NWD2: variants seen among roughly 807,000 people sequenced by gnomAD.
NWD2 encodes the protein NACHT and WD repeat domain-containing protein 2.
NWD2 carries 37 observed loss-of-function variants against 132.7 expected under a neutral mutation model. The ratio of observed to expected loss-of-function variants is 0.28; its 90% CI spans 0.21 to 0.37. NWD2 has a LOEUF of 0.37. Among genes scored for constraint, NWD2 ranks in the 10% least tolerant of loss-of-function variants. The pLI is 1.00. For missense variants in NWD2, 1,592 were observed against 2,122.4 expected, an observed-to-expected ratio of 0.75 and a Z score of 4.91; for synonymous variants, 705 against 803.0, an observed-to-expected ratio of 0.88 and a Z score of 2.06.
chr4:37,405,118 T>C (rs373900797), intron 3 of NWD2, among the ~76,000 whole-genome samples: 2 of 152,172 alleles, frequency 1.3e-5, no homozygotes, highest in African/African-American at 4.8e-5. Context: ...ATGAATATCC[T>C]CAGTGTAAAG....
chr4:37,361,056 A>T (rs967686848), intron 3 of NWD2, among the ~76,000 whole-genome samples: 1 of 152,196 alleles, frequency 6.6e-6, no homozygotes, highest in Admixed American at 6.5e-5. Flanking sequence ...GAACACATCT[A>T]TGCACACAAA....
rs191184871 is a variant in NWD2, at chr4:37,419,656, G to T, written c.358-10916G>T. Reference sequence around the variant, plus strand: ...CCACTTGAAAATATGACAAAATGTTGAGCTGTCAAACTGGGTTGTTTATTC... The same window carrying T: ...CCACTTGAAAATATGACAAAATGTTTAGCTGTCAAACTGGGTTGTTTATTC... On this transcript the variant is annotated intron_variant, in intron 3 of 6. Transcript: ENST00000309447. 8.5e-5 allele frequency among the ~76,000 whole-genome samples: 13 copies of T among 152,226 alleles called. No homozygotes were observed. In the East Asian group the frequency reaches 2.5e-3, roughly 29 times the overall value.
chr4:37,429,449 A>T (rs552899045), intron 3 of NWD2, among the ~76,000 whole-genome samples: 164 of 151,814 alleles, frequency 1.1e-3, no homozygotes, highest in Admixed American at 1.5e-3. Flanking sequence ...CAAGTACCTG[A>T]GATTACAGTC....
chr4:37,439,076 C>T lies in NWD2; in HGVS notation c.982C>T (p.Leu328=). Residue 328 remains leucine (L), a synonymous_variant, in exon 6 of 7, where the codon CTA becomes TTA. Transcript: ENST00000309447. The surrounding 1 kb of genome is among the most constrained non-coding windows in gnomAD (Gnocchi z 4.5). ...ATCTGTTACTCATTGTGACATGAAA[C>T]TAGGCTACTCCCAAGAAATAGAAAA... ...YTSVTHCDMK[L]GYSQEIENHY... The T allele has an allele frequency of 6.4e-7, 1 of 1,551,762 alleles. No individual in the cohort carries two copies. Among genetic ancestry groups the T allele is most frequent in the Non-Finnish European group, 8.7e-7 (1 of 1,147,014 alleles).
In NWD2 at chr4:37,445,107, A is replaced by G. The variant is rs755728611; in HGVS notation, c.3119A>G (p.Asn1040Ser). 9.0e-6 allele frequency: 14 copies of G among 1,551,830 alleles called. No homozygotes were observed. Among genetic ancestry groups the G allele is most frequent in the East Asian group, 2.4e-5 (1 of 40,926 alleles). The part of the protein sequence containing the change: ...NNTLLIYDNV[N>S]SCLLSEVEIK... Reference sequence around the variant, plus strand: ...ACCTTGTTGATTTATGACAATGTCAATTCTTGCCTCCTGTCTGAAGTAGAA... The same window carrying G: ...ACCTTGTTGATTTATGACAATGTCAGTTCTTGCCTCCTGTCTGAAGTAGAA... Residue 1040 changes from asparagine (N) to serine (S), a missense_variant, in exon 7 of 7, where the codon AAT becomes AGT. This residue lies in a region of NWD2 where 1,071 missense variants were observed against 1,398.0 expected (regional missense o/e 0.77). Coordinates refer to ENST00000309447, the MANE Select transcript of NWD2 (RefSeq NM_001144990.2). The surrounding 1 kb of genome is among the most constrained non-coding windows in gnomAD (Gnocchi z 4.7).
chr4:37,394,703 A>G (rs537298930), intron 3 of NWD2, among the ~76,000 whole-genome samples: 1 of 150,832 alleles, frequency 6.6e-6, no homozygotes, highest in African/African-American at 2.4e-5. Context: ...GTAGAGACGT[A>G]TCCACGTATA....
intron 1 of NWD2, among the ~76,000 whole-genome samples, chr4:37,300,218 C>T (rs1359906283): frequency 6.6e-6 from 1 of 152,154 alleles, no homozygotes; most frequent in Non-Finnish European, 1.5e-5. Flanking sequence ...CCTTGCTATG[C>T]ATTATTGGAA....
chr4:37,318,710 A>G (rs1006858059), intron 1 of NWD2, among the ~76,000 whole-genome samples: 8 of 148,988 alleles, frequency 5.4e-5, no homozygotes, highest in Admixed American at 1.3e-4. Context: ...TATTATGTAA[A>G]ATTATAATAA....
chr4:37,381,046 G>T (rs776031975), intron 3 of NWD2, among the ~76,000 whole-genome samples: 2 of 152,048 alleles, frequency 1.3e-5, no homozygotes, highest in Admixed American at 1.3e-4. Context: ...TCCTAATGTC[G>T]AGCAAAATAA....
At chr4:37,350,966 G>C (rs1183759328) in intron 2 of NWD2, among the ~76,000 whole-genome samples, 1 of 152,020 alleles carries the variant, frequency 6.6e-6, no homozygotes, top group Non-Finnish European at 1.5e-5. Flanking sequence ...CATTGGTTCT[G>C]TTTATGTGAT....
chr4:37,302,637 T>A (rs1718632475), intron 1 of NWD2, among the ~76,000 whole-genome samples: 1 of 152,114 alleles, frequency 6.6e-6, no homozygotes, highest in African/African-American at 2.4e-5. Flanking sequence ...TTTTTTGTAT[T>A]TTTTGATAAT....
At chr4:37,349,743 G>A (rs1719723452) in intron 2 of NWD2, among the ~76,000 whole-genome samples, 1 of 152,164 alleles carries the variant, frequency 6.6e-6, no homozygotes, top group African/African-American at 2.4e-5. Flanking sequence ...TGGTGTTTTA[G>A]TCATGAAGTC....
intron 1 of NWD2, among the ~76,000 whole-genome samples, chr4:37,316,304 G>A (rs755885478): frequency 2.2e-4 from 33 of 152,022 alleles, no homozygotes; most frequent in South Asian, 2.1e-4. Context: ...AGACTATGTT[G>A]TTCTATTGCC....
intron 3 of NWD2, among the ~76,000 whole-genome samples, chr4:37,408,840 G>A (rs1721097855): frequency 2.6e-5 from 4 of 152,196 alleles, no homozygotes; most frequent in Admixed American, 2.6e-4. Context: ...ACAAGAGGCA[G>A]CAATCTTTGC....
chr4:37,351,839 A>T (rs1719772936), intron 2 of NWD2, among the ~76,000 whole-genome samples: 1 of 152,140 alleles, frequency 6.6e-6, no homozygotes. Context: ...CCCTCTAAAC[A>T]CTGCTTTAGC....
intron 1 of NWD2, among the ~76,000 whole-genome samples, chr4:37,277,053 G>A (rs780149402): frequency 1.3e-5 from 2 of 151,830 alleles, no homozygotes; most frequent in Non-Finnish European, 2.9e-5. Context: ...GTTAATGGGT[G>A]CAGCACACCA....
At chr4:37,432,573 G>A (rs1712209597) in intron 4 of NWD2, among the ~76,000 whole-genome samples, 1 of 152,112 alleles carries the variant, frequency 6.6e-6, no homozygotes, top group Non-Finnish European at 1.5e-5. Flanking sequence ...AAGTTTGACA[G>A]TTATAGTTTT....
At chr4:37,363,895 G>C (rs1362752608) in intron 3 of NWD2, among the ~76,000 whole-genome samples, 1 of 152,024 alleles carries the variant, frequency 6.6e-6, no homozygotes, top group African/African-American at 2.4e-5. Context: ...AGGCCAAGGC[G>C]GGTGGATCAT....
At chr4:37,356,230 G>A in intron 2 of NWD2, 136 bp from the exon 3 acceptor site, 1 of 482,390 alleles carries the variant, frequency 2.1e-6, no homozygotes, top group Non-Finnish European at 3.7e-6. Flanking sequence ...CTCTCTAAAT[G>A]GATCTTAAAA....
Sources: gnomAD v4.1 joint callset for allele counts (sites outside exome capture counted in the v4.1 genomes callset) on GRCh38, gnomAD v4.1.1 for gene constraint, gnomAD v4.1.1 regional missense constraint, Gnocchi (gnomAD v3.1) non-coding constraint, MANE v1.5 for transcripts, NCBI Gene and HGNC (gene_info 2026-07-23, HGNC 2026-07-21) for gene names.